Variants in RALGAPA2 observed in about 807,000 individuals in gnomAD.
The protein encoded by RALGAPA2 is ral GTPase-activating protein subunit alpha-2.
RALGAPA2 carries 139 observed loss-of-function variants against 230.4 expected under a neutral mutation model. The ratio of observed to expected loss-of-function variants is 0.60; its 90% CI spans 0.53 to 0.69. RALGAPA2 has a LOEUF of 0.69. Ranked by LOEUF, RALGAPA2 falls within the 30% of genes least tolerant of loss-of-function variation. The pLI, the probability that RALGAPA2 is intolerant of heterozygous loss-of-function variation, is 0.00. For missense variants in RALGAPA2, 2,163 were observed against 2,276.0 expected (o/e 0.95, Z 1.01); for synonymous variants, 847 against 837.8 (o/e 1.01, Z -0.19).
At chr20:20,628,310 T>G (rs1269296478) in intron 10 of RALGAPA2, among the ~76,000 whole-genome samples, 2 of 152,208 alleles carry the variant, frequency 1.3e-5, no homozygotes, top group Non-Finnish European at 2.9e-5. Flanking sequence ...TGTCTAAGAC[T>G]CTTCTTCTCC....
intron 1 of RALGAPA2, among the ~76,000 whole-genome samples, chr20:20,700,577 C>A (rs2069314573): frequency 6.6e-6 from 1 of 152,170 alleles, no homozygotes; most frequent in African/African-American, 2.4e-5. Flanking sequence ...TAATGTCTCT[C>A]CAATTTTGTT....
At chr20:20,438,944 G>A (rs2060673899) in intron 37 of RALGAPA2, among the ~76,000 whole-genome samples, 2 of 152,134 alleles carry the variant, frequency 1.3e-5, no homozygotes, top group African/African-American at 4.8e-5. Flanking sequence ...CAAACTTTGG[G>A]TCACCTTTCA....
intron 26 of RALGAPA2, 108 bp downstream of exon 26, chr20:20,535,637 A>G (rs796429757): frequency 3.8e-5 from 54 of 1,427,560 alleles, no homozygotes; most frequent in African/African-American, 5.7e-5. Flanking sequence ...TTCAGTCTGT[A>G]TAAGAGCTAT....
intron 3 of RALGAPA2, among the ~76,000 whole-genome samples, chr20:20,654,767 G>A (rs1053918616): frequency 6.6e-6 from 1 of 152,174 alleles, no homozygotes; most frequent in Non-Finnish European, 1.5e-5. Context: ...CCAGAAGTGG[G>A]ATTGCTGGGG....
intron 38 of RALGAPA2, 95 bp from the exon 39 acceptor site, chr20:20,396,829 C>T (rs932874654): frequency 3.0e-5 from 31 of 1,045,804 alleles, no homozygotes; most frequent in Non-Finnish European, 4.1e-5. Context: ...TACATTTATC[C>T]CTGAGCTGCC....
intron 24 of RALGAPA2, among the ~76,000 whole-genome samples, chr20:20,540,086 C>T (rs1476806365): frequency 6.6e-6 from 1 of 152,184 alleles, no homozygotes; most frequent in Non-Finnish European, 1.5e-5. Context: ...GCAGATATTT[C>T]TTCAACATAC....
intron 35 of RALGAPA2, 147 bp downstream of exon 35, chr20:20,503,204 G>A (rs1040011031): frequency 1.0e-5 from 7 of 695,884 alleles, no homozygotes; most frequent in Admixed American, 4.2e-5. Flanking sequence ...CATTTAAGAC[G>A]CCTTCTTTCC....
At chr20:20,510,140 T>C (rs952880751) in intron 33 of RALGAPA2, among the ~76,000 whole-genome samples, 3 of 152,122 alleles carry the variant, frequency 2.0e-5, no homozygotes, top group African/African-American at 7.2e-5. Context: ...AAATGTTCAT[T>C]CAGCAGGCTC....
chr20:20,573,977 T>C (rs1056222052), intron 20 of RALGAPA2, among the ~76,000 whole-genome samples: 3 of 152,202 alleles, frequency 2.0e-5, no homozygotes, highest in Non-Finnish European at 4.4e-5. Flanking sequence ...GGTCCGGTCA[T>C]AAGTGTATGC....
intron 23 of RALGAPA2, among the ~76,000 whole-genome samples, chr20:20,566,082 G>T (rs1027740236): frequency 1.3e-5 from 2 of 152,210 alleles, no homozygotes; most frequent in African/African-American, 2.4e-5. Flanking sequence ...TCTCAACAGT[G>T]ATGGTGGTGC....
Position 20,536,689 on chromosome 20 carries a change from T to C in RALGAPA2, c.3381A>G (p.Val1127=). 6.2e-7 allele frequency: 1 copy of C among 1,613,208 alleles called. No individual in the cohort carries two copies. Among genetic ancestry groups the C allele is most frequent in the East Asian group, 2.2e-5 (1 of 44,844 alleles). The change falls in exon 25 of 40, where the codon GTA becomes GTG. Residue 1127 remains valine (V), a synonymous_variant. Coordinates refer to ENST00000202677, the MANE Select transcript of RALGAPA2 (RefSeq NM_020343.4). ...CTTCAGTTCCTGTAATGGCCTCATT[T>C]ACTTCTGGCACTGACTGCAGTAAAG... ...EIPLLQSVPE[V]NEAITGTEDV...
chr20:20,417,900 TAC>T (rs2060197950), intron 37 of RALGAPA2, among the ~76,000 whole-genome samples: 1 of 152,250 alleles, frequency 6.6e-6, no homozygotes, highest in Non-Finnish European at 1.5e-5. Context: ...AGTAAAATTA[TAC>T]ACAGATTTAG....
At chr20:20,473,300 A>T (rs753190529) in intron 36 of RALGAPA2, among the ~76,000 whole-genome samples, 2 of 152,184 alleles carry the variant, frequency 1.3e-5, no homozygotes, top group African/African-American at 4.8e-5. Flanking sequence ...TTCACTGCAC[A>T]CTATCCTTGC....
intron 3 of RALGAPA2, among the ~76,000 whole-genome samples, chr20:20,667,195 A>G (rs73296920): frequency 0.011 from 1,692 of 152,296 alleles, 30 homozygotes; most frequent in African/African-American, 0.039. Context: ...TGTACTGGAT[A>G]TAGCTATATT....
At chr20:20,623,090 C>T (rs562842615) in intron 10 of RALGAPA2, among the ~76,000 whole-genome samples, 1 of 152,182 alleles carries the variant, frequency 6.6e-6, no homozygotes, top group African/African-American at 2.4e-5. Flanking sequence ...TCCAATACAA[C>T]TAGAAAGTAA....
rs770257449 is a variant in RALGAPA2, at chr20:20,620,566, C to T, written c.1298G>A (p.Trp433Ter). 1 of 1,613,888 alleles carries T rather than the reference C, an allele frequency of 6.2e-7. No individual in the cohort carries two copies. Among genetic ancestry groups the T allele is most frequent in the Non-Finnish European group, 8.5e-7 (1 of 1,179,816 alleles). Residue 433 changes from tryptophan (W) to a stop codon, truncating the protein, a stop_gained, in exon 11 of 40, where the codon TGG becomes TAG. Coordinates refer to ENST00000202677, the MANE Select transcript of RALGAPA2 (RefSeq NM_020343.4). LOFTEE classifies it high-confidence loss of function. The part of the protein sequence containing the change: ...TRKVVQVYRK[W>*]ILQDKPVFME... ...GAACACAGGTTTGTCCTGGAGAATC[C>T]ACTTTCTGTACACTTGAACTACTTT...
intron 35 of RALGAPA2, among the ~76,000 whole-genome samples, chr20:20,502,799 G>A (rs1168398689): frequency 6.6e-6 from 1 of 152,230 alleles, no homozygotes; most frequent in East Asian, 1.9e-4. Flanking sequence ...CCTTCCCAGA[G>A]TTAAATGCCT....
intron 31 of RALGAPA2, among the ~76,000 whole-genome samples, chr20:20,517,592 T>C (rs2062911002): frequency 6.6e-6 from 1 of 152,060 alleles, no homozygotes; most frequent in Admixed American, 6.5e-5. Flanking sequence ...TGAGATAAGC[T>C]TCAAGAGATC....
chr20:20,519,195 G>A (rs2062962955), intron 31 of RALGAPA2, among the ~76,000 whole-genome samples: 1 of 152,164 alleles, frequency 6.6e-6, no homozygotes, highest in African/African-American at 2.4e-5. Context: ...CCTTACTTCT[G>A]ACTTGTACAC....
Sources: allele counts gnomAD v4.1 joint callset (sites outside exome capture counted in the v4.1 genomes callset), GRCh38; gene constraint gnomAD v4.1.1; transcripts MANE v1.5; gene names NCBI Gene and HGNC (gene_info 2026-07-23, HGNC 2026-07-21).